SASH1: variants seen among roughly 807,000 people sequenced by gnomAD.
SASH1 encodes SAM and SH3 domain containing 1.
SASH1 carries 44 observed loss-of-function variants against 125.2 expected under a neutral mutation model. The ratio of observed to expected loss-of-function variants is 0.35; its 90% CI spans 0.28 to 0.45. The LOEUF is 0.45. Ranked by LOEUF, SASH1 falls within the 20% of genes least tolerant of loss-of-function variation. The pLI, the probability that SASH1 is intolerant of heterozygous loss-of-function variation, is 1.00. For missense variants in SASH1, 1,426 were observed against 1,614.5 expected (o/e 0.88, Z 2.00); for synonymous variants, 639 against 649.1 (o/e 0.98, Z 0.24).
At chr6:148,268,383 A>G (rs372644856), upstream of SASH1, among the ~76,000 whole-genome samples, 30 of 152,350 alleles carry the variant, frequency 2.0e-4, 1 homozygote, top group African/African-American at 6.7e-4. Flanking sequence ...TGAAGCTCAC[A>G]TGGGAAAGAT....
chr6:148,343,313 G>C, intron 1 of SASH1, 90 bp downstream of exon 1: 1 of 1,296,196 alleles, frequency 7.7e-7, no homozygotes, highest in Non-Finnish European at 1.1e-6. Flanking sequence ...CACCCACTGG[G>C]CAACCCACTC....
rs112028519 is a variant in SASH1, at chr6:148,283,570, G to A, written n.74+11193G>A. 3.9e-5 allele frequency among the ~76,000 whole-genome samples: 6 copies of A among 152,256 alleles called. 1 individual carries two copies. Among genetic ancestry groups the A allele is most frequent in the East Asian group, 3.9e-4 (2 of 5,182 alleles). On this transcript the variant is annotated intron_variant and non_coding_transcript_variant, in intron 1 of 3. Coordinates refer to the SASH1 transcript ENST00000367469. ...ATGGGTCAACTGACGTCAGGAGATC[G>A]AGACCATCCTGGCTAACAAGGTGAA... is the stretch of plus-strand genomic sequence containing the variant.
At chr6:148,216,361 G>A in the SASH1 span, among the ~76,000 whole-genome samples, 5 of 152,038 alleles carry the variant, frequency 3.3e-5, no homozygotes, top group African/African-American at 7.2e-5. Context: ...TCTGTACTTC[G>A]TTGTGCTTGT....
At chr6:148,239,621 C>A in the SASH1 span, among the ~76,000 whole-genome samples, 22 of 152,186 alleles carry the variant, frequency 1.4e-4, no homozygotes, top group African/African-American at 5.1e-4. Flanking sequence ...GTGCGCGAAT[C>A]ATTGTCTTTC....
the SASH1 span, among the ~76,000 whole-genome samples, chr6:148,252,144 G>A: frequency 1.3e-5 from 2 of 151,936 alleles, no homozygotes; most frequent in African/African-American, 2.4e-5. Context: ...CTCCAAAAAC[G>A]TATGTGGCCT....
intron 1 of SASH1, among the ~76,000 whole-genome samples, chr6:148,375,723 C>T (rs1315877077): frequency 6.6e-6 from 1 of 152,162 alleles, no homozygotes; most frequent in African/African-American, 2.4e-5. Context: ...GATATGGATA[C>T]AGATAATACA....
At chr6:148,498,089 C>T (rs942745792) in intron 8 of SASH1, among the ~76,000 whole-genome samples, 2 of 151,898 alleles carry the variant, frequency 1.3e-5, no homozygotes, top group South Asian at 2.1e-4. Flanking sequence ...CCTTCCTCGA[C>T]ATATCAAAGG....
chr6:148,394,276 C>T (rs1562377388), intron 2 of SASH1, among the ~76,000 whole-genome samples: 2 of 152,114 alleles, frequency 1.3e-5, no homozygotes, highest in Admixed American at 1.3e-4. Flanking sequence ...GGTTTAGGTG[C>T]TGGATGTTTC....
At chr6:148,446,146 T>C (rs1206426326) in intron 4 of SASH1, among the ~76,000 whole-genome samples, 2 of 126,044 alleles carry the variant, frequency 1.6e-5, no homozygotes, top group Admixed American at 9.5e-5. Flanking sequence ...CCTCACTCTG[T>C]CGCCCAGGCT....
the SASH1 span, among the ~76,000 whole-genome samples, chr6:148,256,856 C>A: frequency 6.6e-6 from 1 of 151,866 alleles, no homozygotes. Flanking sequence ...TTAAAACTTA[C>A]AAAATAAATA....
the SASH1 span, among the ~76,000 whole-genome samples, chr6:148,202,532 A>G: frequency 6.6e-6 from 1 of 152,256 alleles, no homozygotes; most frequent in Non-Finnish European, 1.5e-5. Context: ...GAAGTCTTGG[A>G]AGGCAATGAC....
chr6:148,457,730 T>G (rs1344836909), intron 4 of SASH1, among the ~76,000 whole-genome samples: 1 of 152,102 alleles, frequency 6.6e-6, no homozygotes, highest in Non-Finnish European at 1.5e-5. Context: ...ACTGAGTAAT[T>G]TATAAAGGAA....
intron 1 of SASH1, among the ~76,000 whole-genome samples, chr6:148,319,021 T>C (rs1442783544): frequency 7.1e-6 from 1 of 140,014 alleles, no homozygotes; most frequent in Non-Finnish European, 1.5e-5. Flanking sequence ...GCATTTATCT[T>C]CTTTTTTTTT....
chr6:148,310,025 A>G (rs1162560379), intron 1 of SASH1, among the ~76,000 whole-genome samples: 1 of 152,198 alleles, frequency 6.6e-6, no homozygotes, highest in Non-Finnish European at 1.5e-5. Flanking sequence ...AGTACATGGT[A>G]AAACTTAGCC....
Position 148,424,532 on chromosome 6 carries a change from G to T in SASH1, c.286-15652G>T, listed in dbSNP as rs113707435. 5.4e-3 allele frequency among the ~76,000 whole-genome samples: 825 copies of T among 152,130 alleles called. 10 individuals carry two copies. Among genetic ancestry groups the T allele is most frequent in the African/African-American group, 0.018 (727 of 41,508 alleles). On this transcript the variant is annotated intron_variant, in intron 2 of 19. Coordinates refer to ENST00000367467, the MANE Select transcript of SASH1 (RefSeq NM_015278.5). ...GAGCCACCATATCCGGCCAGATGGG[G>T]CTTGTTCTGTTTGCCCAGGCTGGAG... is the stretch of plus-strand genomic sequence containing the variant.
chr6:148,270,955 G>A (rs889779362), upstream of SASH1, among the ~76,000 whole-genome samples: 19 of 139,996 alleles, frequency 1.4e-4, no homozygotes, highest in African/African-American at 3.8e-4. Flanking sequence ...TGTCGCCCAC[G>A]CTGGAGTGCA....
chr6:148,324,716 C>G (rs1446303799), intron 1 of SASH1, among the ~76,000 whole-genome samples: 2 of 152,184 alleles, frequency 1.3e-5, no homozygotes, highest in Non-Finnish European at 2.9e-5. Context: ...CTGGGCTGAG[C>G]TTTCAGGAAT....
intron 2 of SASH1, among the ~76,000 whole-genome samples, chr6:148,410,211 A>G (rs1001458424): frequency 1.3e-4 from 19 of 146,158 alleles, no homozygotes; most frequent in African/African-American, 4.8e-4. Context: ...CCCGGGTTCA[A>G]GCAATTCTCC....
At chr6:148,540,276 G>T (rs1375563345) in intron 16 of SASH1, among the ~76,000 whole-genome samples, 167 bp from the exon 17 acceptor site, 2 of 152,200 alleles carry the variant, frequency 1.3e-5, no homozygotes, top group East Asian at 3.9e-4. Context: ...CTTATTGGAA[G>T]AAAAGTTGTG....
Sources: allele counts gnomAD v4.1 joint callset (sites outside exome capture counted in the v4.1 genomes callset), GRCh38; gene constraint gnomAD v4.1.1; transcripts MANE v1.5; gene names NCBI Gene and HGNC (gene_info 2026-07-23, HGNC 2026-07-21).